Variants in AUTS2 observed in about 807,000 individuals in gnomAD.
AUTS2 encodes the protein activator of transcription and developmental regulator AUTS2, also known as autism susceptibility gene 2 protein.
AUTS2 carries 17 observed loss-of-function variants against 112.4 expected under a neutral mutation model. The observed-to-expected ratio is 0.15, with a 90% confidence interval of 0.10 to 0.23. The LOEUF is 0.23. Ranked by LOEUF, AUTS2 falls within the 10% of genes least tolerant of loss-of-function variation. The pLI, the probability that AUTS2 is intolerant of heterozygous loss-of-function variation, is 1.00. For missense variants in AUTS2, 1,510 were observed against 1,701.6 expected, an observed-to-expected ratio of 0.89 and a Z score of 1.98; for synonymous variants, 751 against 702.7, an observed-to-expected ratio of 1.07 and a Z score of -1.09.
At chr7:70,510,333 C>T (rs1799131557) in intron 5 of AUTS2, among the ~76,000 whole-genome samples, 1 of 152,240 alleles carries the variant, frequency 6.6e-6, no homozygotes, top group African/African-American at 2.4e-5. Context: ...ATTAGATTTT[C>T]ATGGCCATTG....
chr7:70,595,054 T>C (rs1450764874), intron 5 of AUTS2, among the ~76,000 whole-genome samples: 1 of 151,890 alleles, frequency 6.6e-6, no homozygotes, highest in Admixed American at 6.6e-5. Context: ...TGAGCCGAGA[T>C]TGCACCATTG....
intron 1 of AUTS2, among the ~76,000 whole-genome samples, chr7:69,892,908 C>G (rs1345426988): frequency 6.6e-6 from 1 of 152,174 alleles, no homozygotes; most frequent in Non-Finnish European, 1.5e-5. Context: ...GTGTGGGTCT[C>G]TTTCTGGACT....
At chr7:70,397,174 C>G (rs1298833336) in intron 4 of AUTS2, among the ~76,000 whole-genome samples, 1 of 151,762 alleles carries the variant, frequency 6.6e-6, no homozygotes, top group Non-Finnish European at 1.5e-5. Context: ...AGCGATTCTT[C>G]TGCCTCAGCC....
At chr7:70,652,665 A>G (rs556832644) in intron 5 of AUTS2, among the ~76,000 whole-genome samples, 24 of 152,270 alleles carry the variant, frequency 1.6e-4, no homozygotes, top group Admixed American at 9.8e-4. Context: ...CAGGAGGATC[A>G]TTTGAACCCA....
At chr7:70,249,767 A>C (rs953690295) in intron 4 of AUTS2, among the ~76,000 whole-genome samples, 10 of 151,902 alleles carry the variant, frequency 6.6e-5, no homozygotes, top group Non-Finnish European at 1.3e-4. Flanking sequence ...GATTAGATAC[A>C]TGCAGGTGAT....
intron 1 of AUTS2, among the ~76,000 whole-genome samples, chr7:69,760,025 A>C (rs1333116131): frequency 6.6e-6 from 1 of 151,762 alleles, no homozygotes; most frequent in Admixed American, 6.6e-5. Flanking sequence ...AAAATGAAAA[A>C]CCATTTTTTT....
chr7:69,738,630 A>C (rs1215937038), intron 1 of AUTS2, among the ~76,000 whole-genome samples: 1 of 152,154 alleles, frequency 6.6e-6, no homozygotes, highest in African/African-American at 2.4e-5. Context: ...AGGGCAATTA[A>C]GTATGCTAGG....
chr7:69,938,275 CCCG>C (rs1796492631), intron 2 of AUTS2, among the ~76,000 whole-genome samples: 11 of 152,136 alleles, frequency 7.2e-5, no homozygotes, highest in Non-Finnish European at 1.3e-4. Context: ...TCTGCAGCTT[CCCG>C]TAGGCCTCTT....
chr7:70,151,750 C>G (rs1807452301), intron 4 of AUTS2, among the ~76,000 whole-genome samples: 1 of 152,136 alleles, frequency 6.6e-6, no homozygotes, highest in South Asian at 2.1e-4. Context: ...CCACACCCTG[C>G]CCTCCCAGCA....
intron 5 of AUTS2, among the ~76,000 whole-genome samples, chr7:70,457,138 G>A (rs1796772985): frequency 6.6e-6 from 1 of 152,206 alleles, no homozygotes; most frequent in Non-Finnish European, 1.5e-5. Flanking sequence ...TAGGTGTGGG[G>A]ACACAGCCTT....
chr7:70,144,707 G>A (rs1246424490), intron 4 of AUTS2, among the ~76,000 whole-genome samples: 1 of 152,070 alleles, frequency 6.6e-6, no homozygotes, highest in African/African-American at 2.4e-5. Context: ...GACTCAAAAA[G>A]TTATGTATTA....
At chr7:69,752,458 T>A (rs575550094) in intron 1 of AUTS2, among the ~76,000 whole-genome samples, 12 of 152,326 alleles carry the variant, frequency 7.9e-5, no homozygotes, top group African/African-American at 2.9e-4. Flanking sequence ...CTGTATCTAA[T>A]TTCTGAACCA....
chr7:70,395,991 A>C (rs1794064879), intron 4 of AUTS2, among the ~76,000 whole-genome samples: 1 of 152,170 alleles, frequency 6.6e-6, no homozygotes, highest in Non-Finnish European at 1.5e-5. Context: ...AAGTTAAAGG[A>C]AAAAGTCATA....
chr7:69,957,781 G>A (rs1433207138), intron 2 of AUTS2, among the ~76,000 whole-genome samples: 26 of 152,270 alleles, frequency 1.7e-4, no homozygotes, highest in Non-Finnish European at 1.5e-5. Context: ...CTCCCAAGTG[G>A]ATTCAGTTCC....
chr7:69,943,929 C>G (rs1165624535), intron 2 of AUTS2, among the ~76,000 whole-genome samples: 1 of 152,166 alleles, frequency 6.6e-6, no homozygotes, highest in East Asian at 1.9e-4. Flanking sequence ...AGTGTACAAA[C>G]TGGTGATATG....
At chr7:70,521,842 G>A (rs753728720) in intron 5 of AUTS2, among the ~76,000 whole-genome samples, 1 of 152,104 alleles carries the variant, frequency 6.6e-6, no homozygotes, top group Non-Finnish European at 1.5e-5. Context: ...GCTGCAGCTT[G>A]GAGTCAAACA....
chr7:69,988,698 C>G (rs1798613739), intron 2 of AUTS2, among the ~76,000 whole-genome samples: 1 of 152,186 alleles, frequency 6.6e-6, no homozygotes, highest in Non-Finnish European at 1.5e-5. Flanking sequence ...TGGCTGCTCA[C>G]TTTGCAGGAT....
chr7:69,992,419 T>G (rs1457140450), intron 2 of AUTS2, among the ~76,000 whole-genome samples: 2 of 152,180 alleles, frequency 1.3e-5, no homozygotes, highest in African/African-American at 4.8e-5. Flanking sequence ...ATTGTGCCAT[T>G]ATTGATAGTT....
intron 3 of AUTS2, 58 bp from the exon 4 acceptor site, chr7:70,134,478 T>C (rs755548615): frequency 2.0e-6 from 3 of 1,482,906 alleles, no homozygotes; most frequent in Non-Finnish European, 2.8e-6. Context: ...CTGTGTGGAT[T>C]GGAACGTGTT....
Sources: allele counts gnomAD v4.1 joint callset (sites outside exome capture counted in the v4.1 genomes callset), GRCh38; gene constraint gnomAD v4.1.1; transcripts MANE v1.5; gene names NCBI Gene and HGNC (gene_info 2026-07-23, HGNC 2026-07-21).